NKAIN2: variants seen among roughly 807,000 people sequenced by gnomAD.
NKAIN2 encodes sodium/potassium transporting ATPase interacting 2.
Under a neutral mutation model 32.6 loss-of-function variants are expected in NKAIN2, and 14 were observed. The ratio of observed to expected loss-of-function variants is 0.43; its 90% CI spans 0.28 to 0.67. The LOEUF is 0.67. Ranked by LOEUF, NKAIN2 falls within the 30% of genes least tolerant of loss-of-function variation. NKAIN2 has a pLI of 0.17. For synonymous variants in NKAIN2, 80 were observed against 87.2 expected, an observed-to-expected ratio of 0.92 and a Z score of 0.46; for missense variants, 198 against 258.3, an observed-to-expected ratio of 0.77 and a Z score of 1.60.
intron 3 of NKAIN2, among the ~76,000 whole-genome samples, chr6:124,564,447 A>T (rs903386193): frequency 1.3e-5 from 2 of 151,502 alleles, no homozygotes; most frequent in Non-Finnish European, 2.9e-5. Flanking sequence ...AATCAGTTGG[A>T]CATGGGTGGG....
chr6:123,972,783 A>G (rs1778399518), intron 1 of NKAIN2, among the ~76,000 whole-genome samples: 1 of 152,118 alleles, frequency 6.6e-6, no homozygotes, highest in Non-Finnish European at 1.5e-5. Context: ...ACTTCCAGGA[A>G]TAGATTCCCT....
intron 3 of NKAIN2, among the ~76,000 whole-genome samples, chr6:124,499,547 A>G (rs1272865606): frequency 6.6e-6 from 1 of 152,218 alleles, no homozygotes; most frequent in Non-Finnish European, 1.5e-5. Flanking sequence ...GCTCACACCT[A>G]TTAGAGCCAA....
At chr6:123,943,740 T>C (rs1428171360) in intron 1 of NKAIN2, among the ~76,000 whole-genome samples, 1 of 152,094 alleles carries the variant, frequency 6.6e-6, no homozygotes, top group Non-Finnish European at 1.5e-5. Flanking sequence ...TAATGTATAC[T>C]CAACCTCCTT....
intron 3 of NKAIN2, among the ~76,000 whole-genome samples, chr6:124,517,002 T>C (rs1778940247): frequency 6.6e-6 from 1 of 152,196 alleles, no homozygotes; most frequent in Non-Finnish European, 1.5e-5. Context: ...TGAGGGCATA[T>C]AGGATACTAT....
intron 3 of NKAIN2, among the ~76,000 whole-genome samples, chr6:124,602,194 CA>C (rs1402508835): frequency 6.6e-6 from 1 of 151,838 alleles, no homozygotes; most frequent in African/African-American, 2.4e-5. Context: ...TACATGGCCT[CA>C]ATTGGTTTGT....
chr6:124,725,546 A>T (rs539341006), intron 4 of NKAIN2, among the ~76,000 whole-genome samples: 1 of 152,184 alleles, frequency 6.6e-6, no homozygotes, highest in African/African-American at 2.4e-5. Context: ...ATCATATGCC[A>T]AGTTGTTTGT....
chr6:123,939,557 A>G (rs1434928371), intron 1 of NKAIN2, among the ~76,000 whole-genome samples: 2 of 151,996 alleles, frequency 1.3e-5, no homozygotes, highest in African/African-American at 4.8e-5. Context: ...TGAAGAAAAA[A>G]TCATATGGCC....
At chr6:124,528,343 T>G (rs1468142998) in intron 3 of NKAIN2, among the ~76,000 whole-genome samples, 2 of 152,230 alleles carry the variant, frequency 1.3e-5, no homozygotes, top group Non-Finnish European at 2.9e-5. Flanking sequence ...TTATGCTGAT[T>G]GACATATTTT....
At chr6:124,154,862 T>C (rs1459755782) in intron 1 of NKAIN2, among the ~76,000 whole-genome samples, 1 of 152,024 alleles carries the variant, frequency 6.6e-6, no homozygotes, top group African/African-American at 2.4e-5. Flanking sequence ...CAAAAATAAA[T>C]ATTCCAAATG....
intron 1 of NKAIN2, among the ~76,000 whole-genome samples, chr6:124,105,600 A>G (rs1237915475): frequency 2.0e-5 from 3 of 152,310 alleles, no homozygotes; most frequent in South Asian, 2.1e-4. Flanking sequence ...TTGTATTCCA[A>G]TATAGATTGA....
intron 2 of NKAIN2, among the ~76,000 whole-genome samples, chr6:124,353,057 A>C (rs1798801380): frequency 6.6e-6 from 1 of 152,232 alleles, no homozygotes; most frequent in Non-Finnish European, 1.5e-5. Flanking sequence ...ATGAATGATC[A>C]TAGTAAATCT....
chr6:123,842,531 C>G (rs902352), intron 1 of NKAIN2, among the ~76,000 whole-genome samples: 1 of 152,032 alleles, frequency 6.6e-6, no homozygotes, highest in South Asian at 2.1e-4. Context: ...ACATATGAAT[C>G]TTGAGGAGAC....
intron 1 of NKAIN2, among the ~76,000 whole-genome samples, chr6:124,117,814 T>C (rs1785687684): frequency 2.0e-5 from 3 of 151,452 alleles, no homozygotes; most frequent in Admixed American, 2.0e-4. Flanking sequence ...TTTATAATCA[T>C]ATAATATTTA....
chr6:124,282,275 G>T (rs1795333309), intron 1 of NKAIN2: 1 of 363,072 alleles, frequency 2.8e-6, no homozygotes, highest in Non-Finnish European at 5.4e-6. Context: ...TAAGTGTCTT[G>T]CTTTTATAAC....
At chr6:123,909,967 T>C (rs1250275573) in intron 1 of NKAIN2, among the ~76,000 whole-genome samples, 2 of 152,118 alleles carry the variant, frequency 1.3e-5, no homozygotes, top group African/African-American at 4.8e-5. Flanking sequence ...GTGAAATTTA[T>C]ATTTTCAAAG....
At chr6:124,351,916 C>G (rs12199388) in intron 2 of NKAIN2, among the ~76,000 whole-genome samples, 21,612 of 152,036 alleles carry the variant, frequency 0.14, 2,001 homozygotes, top group Admixed American at 0.26. Context: ...CCACCGCGCC[C>G]GACCCTACTG....
intron 1 of NKAIN2, among the ~76,000 whole-genome samples, chr6:124,270,994 G>A (rs957710776): frequency 6.6e-6 from 1 of 152,178 alleles, no homozygotes; most frequent in Admixed American, 6.5e-5. Flanking sequence ...GACCTGGTGG[G>A]ACATCAGAGA....
intron 3 of NKAIN2, among the ~76,000 whole-genome samples, chr6:124,657,355 T>C (rs1393445883): frequency 6.6e-6 from 1 of 152,164 alleles, no homozygotes; most frequent in African/African-American, 2.4e-5. Flanking sequence ...GCATTTCCTT[T>C]AGCCGTTCTT....
intron 3 of NKAIN2, among the ~76,000 whole-genome samples, chr6:124,560,205 G>T (rs1468765569): frequency 6.6e-6 from 1 of 152,084 alleles, no homozygotes; most frequent in African/African-American, 2.4e-5. Flanking sequence ...AATCATGGGG[G>T]CAGTTACCTC....
Sources: allele counts gnomAD v4.1 joint callset (sites outside exome capture counted in the v4.1 genomes callset), GRCh38; gene constraint gnomAD v4.1.1; transcripts MANE v1.5; gene names NCBI Gene and HGNC (gene_info 2026-07-23, HGNC 2026-07-21).